Variants in FAM13A observed in about 807,000 individuals in gnomAD.
FAM13A encodes family with sequence similarity 13 member A, also known as protein FAM13A.
A neutral mutation model predicts 129.6 loss-of-function variants in FAM13A; 76 were observed. That is an observed-to-expected ratio of 0.59 (90% CI 0.49 to 0.71). The LOEUF is 0.71. Among genes scored for constraint, FAM13A ranks in the 30% least tolerant of loss-of-function variants. The pLI, the probability that FAM13A is intolerant of heterozygous loss-of-function variation, is 0.00. For synonymous variants in FAM13A, 443 were observed against 449.9 expected, an observed-to-expected ratio of 0.98 and a Z score of 0.20; for missense variants, 1,108 against 1,249.3, an observed-to-expected ratio of 0.89 and a Z score of 1.70.
chr4:88,861,994 T>C (rs139431756), intron 6 of FAM13A, among the ~76,000 whole-genome samples: 1,550 of 152,272 alleles, frequency 0.01, 9 homozygotes, highest in Non-Finnish European at 0.017. Context: ...TTAACTACTA[T>C]TTCACACTGT....
At chr4:88,782,691 A>T (rs940933251) in intron 10 of FAM13A, among the ~76,000 whole-genome samples, 1 of 152,194 alleles carries the variant, frequency 6.6e-6, no homozygotes, top group Non-Finnish European at 1.5e-5. Flanking sequence ...GTGAAAATAT[A>T]TATTTAGTAA....
chr4:88,987,593 G>A (rs755449977), intron 4 of FAM13A, among the ~76,000 whole-genome samples: 17 of 152,120 alleles, frequency 1.1e-4, no homozygotes, highest in South Asian at 2.1e-4. Flanking sequence ...GGTGGCCCAC[G>A]CTTGTAATCC....
chr4:89,016,198 A>AC (rs1455031619), intron 3 of FAM13A, among the ~76,000 whole-genome samples: 6 of 142,892 alleles, frequency 4.2e-5, no homozygotes, highest in African/African-American at 7.4e-5. Flanking sequence ...TAAAAAAAAA[A>AC]AAACACAATT....
chr4:88,896,169 A>G (rs1746272179), intron 6 of FAM13A, among the ~76,000 whole-genome samples: 1 of 151,784 alleles, frequency 6.6e-6, no homozygotes, highest in Non-Finnish European at 1.5e-5. Flanking sequence ...CTATAGCAAG[A>G]ACAAAAAACC....
intron 4 of FAM13A, among the ~76,000 whole-genome samples, chr4:88,979,238 G>A (rs555836815): frequency 6.6e-6 from 1 of 152,298 alleles, no homozygotes; most frequent in South Asian, 2.1e-4. Context: ...ACACATTCAC[G>A]TATTGCTGCT....
In FAM13A at chr4:88,781,269, C is replaced by A. The variant is rs1376504596; in HGVS notation, c.1354G>T (p.Val452Leu). Reference sequence around the variant, plus strand: ...GCACAACCAAAAGTATTTTTGTGTACCTTTTCGACTTCCTGAGTATTCAAA... The same window carrying A: ...GCACAACCAAAAGTATTTTTGTGTAACTTTTCGACTTCCTGAGTATTCAAA... ...CILNTQEVEKVHKNTFGCAGE... is the reference protein window; with the variant it reads ...CILNTQEVEKLHKNTFGCAGE... The change falls in exon 11 of 24, where the codon GTA (valine) becomes TTA (leucine). Residue 452 changes from valine to leucine, a missense_variant. By Grantham distance (32) the Val-to-Leu change is conservative. Around this residue, in one of 3 missense-constraint regions of FAM13A, gnomAD observed 566 missense variants for 595.7 expected, o/e 0.95. Transcript: ENST00000264344. The A allele has an allele frequency of 6.2e-7, 1 of 1,612,626 alleles. No homozygotes were observed. The highest frequency in any genetic ancestry group is 1.7e-5 in the Admixed American group (1 of 59,858).
At chr4:88,928,437 T>C (rs1026056034) in intron 5 of FAM13A, among the ~76,000 whole-genome samples, 5 of 152,128 alleles carry the variant, frequency 3.3e-5, no homozygotes, top group Admixed American at 6.5e-5. Flanking sequence ...CTATTACTAC[T>C]GTATTGCTGT....
chr4:88,787,911 T>C lies in FAM13A; in HGVS notation c.1113A>G (p.Arg371=), dbSNP rs1724301510. 6.2e-7 allele frequency: 1 copy of C among 1,612,956 alleles called. No homozygotes were observed. Among genetic ancestry groups the C allele is most frequent in the African/African-American group, 1.3e-5 (1 of 74,806 alleles). ...CAAAAAGATGTTGTTCTACAGCTGA[T>C]CGGATGGTTCTTTCTAAGAGTCTGG... ...ATGELLERTI[R]SAVEQHLFDV... The change falls in exon 10 of 24, where the codon CGA becomes CGG. Residue 371 remains arginine, a synonymous_variant. Transcript: ENST00000264344.
chr4:89,025,797 C>A (rs915795789), intron 2 of FAM13A, among the ~76,000 whole-genome samples: 1 of 152,166 alleles, frequency 6.6e-6, no homozygotes, highest in African/African-American at 2.4e-5. Flanking sequence ...AAAGAACACA[C>A]AGACGCATAC....
At chr4:89,008,250 T>C (rs1765312379) in intron 3 of FAM13A, among the ~76,000 whole-genome samples, 1 of 152,142 alleles carries the variant, frequency 6.6e-6, no homozygotes, top group Non-Finnish European at 1.5e-5. Context: ...TAGCCCCCAA[T>C]GTGCCCACAG....
chr4:88,913,730 C>A (rs546144289), intron 5 of FAM13A, among the ~76,000 whole-genome samples: 8 of 152,100 alleles, frequency 5.3e-5, no homozygotes, highest in South Asian at 2.1e-4. Context: ...TACAGAGAAG[C>A]CTTCTTTTCC....
chr4:89,029,616 T>C lies in FAM13A; in HGVS notation c.61A>G (p.Met21Val), dbSNP rs767689547. The stretch of plus-strand genomic sequence containing the variant: ...AATGGCACTGCCACTATCTTTTTCA[T>C]GTCTTCTTTCAGCCGAACCGCTGCT... ...SKAAVRLKED[M>V]KKIVAVPLNE... Residue 21 changes from methionine (M) to valine (V), a missense_variant, in exon 2 of 24, where the codon ATG (methionine) becomes GTG (valine). Physicochemically the swap from Met to Val is conservative, Grantham distance 21. Around this residue, in one of 3 missense-constraint regions of FAM13A, gnomAD observed 566 missense variants for 595.7 expected, o/e 0.95. Coordinates refer to ENST00000264344, the MANE Select transcript of FAM13A (RefSeq NM_014883.4). The C allele has an allele frequency of 2.5e-5, 40 of 1,584,674 alleles. No individual in the cohort carries two copies. Among genetic ancestry groups the C allele is most frequent in the Non-Finnish European group, 3.1e-5 (36 of 1,171,312 alleles).
At chr4:88,941,663 C>T (rs375544467) in intron 4 of FAM13A, among the ~76,000 whole-genome samples, 21 of 152,316 alleles carry the variant, frequency 1.4e-4, no homozygotes, top group African/African-American at 5.1e-4. Flanking sequence ...ATGCTGCTAA[C>T]CTCCCCTTTA....
chr4:88,924,528 C>T (rs1315721080), intron 5 of FAM13A, among the ~76,000 whole-genome samples: 2 of 152,212 alleles, frequency 1.3e-5, no homozygotes, highest in African/African-American at 2.4e-5. Context: ...TGGACCCCTT[C>T]TTTAAACCTT....
chr4:88,922,543 T>C (rs1194883247), intron 5 of FAM13A, among the ~76,000 whole-genome samples: 1 of 151,564 alleles, frequency 6.6e-6, no homozygotes, highest in African/African-American at 2.4e-5. Flanking sequence ...CTGGGACACA[T>C]TCAAAGCAGT....
At chr4:88,892,241 G>A (rs1213395506) in intron 6 of FAM13A, among the ~76,000 whole-genome samples, 2 of 145,750 alleles carry the variant, frequency 1.4e-5, no homozygotes, top group African/African-American at 2.6e-5. Flanking sequence ...GTGCAGTGGC[G>A]AGATCTCGGC....
chr4:88,838,214 A>G (rs999230010), intron 7 of FAM13A, among the ~76,000 whole-genome samples: 2 of 152,248 alleles, frequency 1.3e-5, no homozygotes, highest in African/African-American at 2.4e-5. Context: ...ACCTACGTAT[A>G]ACAATATACC....
chr4:89,024,222 G>A (rs1018801449), intron 2 of FAM13A, among the ~76,000 whole-genome samples: 2 of 152,124 alleles, frequency 1.3e-5, no homozygotes, highest in African/African-American at 2.4e-5. Context: ...CTTTGGCCAG[G>A]GAAGTAGTAT....
At chr4:88,844,832 G>A (rs1357173099) in intron 7 of FAM13A, among the ~76,000 whole-genome samples, 2 of 152,172 alleles carry the variant, frequency 1.3e-5, no homozygotes, top group Non-Finnish European at 2.9e-5. Flanking sequence ...GAGCAGTGAG[G>A]TTGTCAAAGA....
Sources: allele counts gnomAD v4.1 joint callset (sites outside exome capture counted in the v4.1 genomes callset), GRCh38; gene constraint gnomAD v4.1.1; regional missense constraint gnomAD v4.1.1; transcripts MANE v1.5; gene names NCBI Gene and HGNC (gene_info 2026-07-23, HGNC 2026-07-21).